The following CDH23 variants were observed in gnomAD, a reference collection of about 807,000 sequenced individuals.
CDH23 encodes cadherin-23.
CDH23 carries 189 observed loss-of-function variants against 317.1 expected under a neutral mutation model. That is an observed-to-expected ratio of 0.60 (90% CI 0.53 to 0.67). CDH23 has a LOEUF of 0.67. CDH23 is among the 30% of genes least tolerant of loss of function. The probability of loss-of-function intolerance (pLI) is 0.00; values close to 1 mark genes in which losing one functional copy is unlikely to be tolerated. For synonymous variants in CDH23, 1,839 were observed against 1,876.8 expected, an observed-to-expected ratio of 0.98 and a Z score of 0.52; for missense variants, 4,401 against 4,592.4, an observed-to-expected ratio of 0.96 and a Z score of 1.20.
chr10:71,651,153 C>A lies in CDH23; in HGVS notation c.1449+4536C>A, dbSNP rs532405100. Among the ~76,000 whole-genome samples, 4 of 152,238 alleles carry A rather than the reference C, an allele frequency of 2.6e-5. No individual in the cohort carries two copies. In the South Asian group the frequency reaches 8.3e-4, roughly 32 times the overall value. ...CGCGAACCTCTAATAGGGTACCTGACCTTGCCTGGGGTCCAGGAAAGCTTC... is the reference window on the plus strand; with the variant it reads ...CGCGAACCTCTAATAGGGTACCTGAACTTGCCTGGGGTCCAGGAAAGCTTC... On this transcript the variant is annotated intron_variant, in intron 14 of 69. Transcript: ENST00000224721.
At chr10:71,407,194 C>T (rs1421589719) in intron 1 of CDH23, among the ~76,000 whole-genome samples, 1 of 152,226 alleles carries the variant, frequency 6.6e-6, no homozygotes, top group African/African-American at 2.4e-5. Context: ...AAACCTTTCA[C>T]TATACAGATG....
intron 1 of CDH23, among the ~76,000 whole-genome samples, chr10:71,425,428 G>GGAAA (rs995932494): frequency 1.3e-5 from 2 of 151,466 alleles, no homozygotes; most frequent in Admixed American, 6.6e-5. Context: ...AGGAAGGGAA[G>GGAAA]GAAAGAAAGA....
intron 38 of CDH23, among the ~76,000 whole-genome samples, chr10:71,761,357 C>A (rs1840378531): frequency 6.6e-6 from 1 of 152,206 alleles, no homozygotes; most frequent in Non-Finnish European, 1.5e-5. Context: ...CAGCCTCACA[C>A]ATTAAAAAGT....
At chr10:71,467,408 G>T (rs535304812) in intron 3 of CDH23, among the ~76,000 whole-genome samples, 1 of 152,322 alleles carries the variant, frequency 6.6e-6, no homozygotes, top group East Asian at 1.9e-4. Context: ...CCTGAGAACT[G>T]GTATTTCTAA....
rs548075047 is a variant in CDH23 at position 71,570,708 on chromosome 10, G to A, written c.625-82G>A. On this transcript the variant is annotated intron_variant, in intron 7 of 69. Transcript: ENST00000224721. The stretch of plus-strand genomic sequence containing the variant: ...TGCACTTATGTGCTGCACGGTGCAG[G>A]TCTGTGTGTGTGTGTACATATGTGT... 8.0e-6 allele frequency: 12 copies of A among 1,494,572 alleles called. No homozygotes were observed. The East Asian group carries it at 2.2e-4, about 28-fold the overall frequency. The allele number at this position is 1,494,572 out of a possible 1,614,324, so 92.6% of individuals were successfully genotyped here.
chr10:71,694,120 T>A, intron 20 of CDH23, 27 bp from the exon 21 acceptor site: 16 of 1,468,186 alleles, frequency 1.1e-5, no homozygotes, highest in Non-Finnish European at 1.4e-5. Context: ...CCAAACCCTC[T>A]CACGCACCCA....
At chr10:71,419,450 C>T (rs575761953) in intron 1 of CDH23, among the ~76,000 whole-genome samples, 2 of 152,276 alleles carry the variant, frequency 1.3e-5, no homozygotes, top group Non-Finnish European at 2.9e-5. Context: ...GGACATTACC[C>T]CATGGAAAGT....
intron 52 of CDH23, 103 bp from the exon 53 acceptor site, chr10:71,800,533 A>G: frequency 7.5e-7 from 1 of 1,326,192 alleles, no homozygotes; most frequent in Non-Finnish European, 1.0e-6. Flanking sequence ...TCTTTTGTTC[A>G]GTGTCAAATC....
At chr10:71,724,712 TCCC>T (rs1866728831) in intron 29 of CDH23, among the ~76,000 whole-genome samples, 1 of 152,138 alleles carries the variant, frequency 6.6e-6, no homozygotes, top group South Asian at 2.1e-4. Context: ...AGCAGCACGC[TCCC>T]CAGGGACTGG....
At chr10:71,583,911 C>T (rs1858839056) in intron 9 of CDH23, among the ~76,000 whole-genome samples, 1 of 152,206 alleles carries the variant, frequency 6.6e-6, no homozygotes, top group African/African-American at 2.4e-5. Context: ...GTTCCAGAAC[C>T]TCCCAGTTTC....
chr10:71,669,048 C>T (rs1196827120), intron 14 of CDH23, among the ~76,000 whole-genome samples: 1 of 152,200 alleles, frequency 6.6e-6, no homozygotes, highest in Non-Finnish European at 1.5e-5. Flanking sequence ...CTCGGCTGCA[C>T]CCTCTCCCCC....
intron 24 of CDH23, among the ~76,000 whole-genome samples, chr10:71,703,166 C>T (rs1037685173): frequency 1.3e-5 from 2 of 152,196 alleles, no homozygotes; most frequent in Non-Finnish European, 2.9e-5. Flanking sequence ...AGCACATGGT[C>T]TGATCTTGGG....
At chr10:71,587,900 A>C (rs1184679357) in intron 9 of CDH23, among the ~76,000 whole-genome samples, 1 of 152,258 alleles carries the variant, frequency 6.6e-6, no homozygotes, top group Non-Finnish European at 1.5e-5. Context: ...AAAAGCAATA[A>C]GAGAGAAAGA....
intron 9 of CDH23, among the ~76,000 whole-genome samples, chr10:71,584,070 C>T (rs1287621394): frequency 2.0e-5 from 3 of 152,198 alleles, no homozygotes; most frequent in Non-Finnish European, 4.4e-5. Flanking sequence ...ACTGATGCTG[C>T]TGGTCTGGGG....
intron 14 of CDH23, among the ~76,000 whole-genome samples, chr10:71,656,381 C>T (rs1589302126): frequency 6.6e-6 from 1 of 152,204 alleles, no homozygotes; most frequent in African/African-American, 2.4e-5. Context: ...GGATCGTCTG[C>T]TCTCCTCCTT....
chr10:71,755,923 C>T (rs1840131193), intron 38 of CDH23, among the ~76,000 whole-genome samples: 2 of 152,128 alleles, frequency 1.3e-5, no homozygotes, highest in African/African-American at 4.8e-5. Context: ...GTAATTAATG[C>T]CACCAAACTG....
chr10:71,724,731 A>G (rs1866730210), intron 29 of CDH23, among the ~76,000 whole-genome samples: 2 of 152,344 alleles, frequency 1.3e-5, no homozygotes, highest in African/African-American at 2.4e-5. Flanking sequence ...ACTGGGTCTC[A>G]TTGGTCCAAT....
chr10:71,413,007 CTGT>C (rs1343319076), intron 1 of CDH23, among the ~76,000 whole-genome samples: 5 of 152,110 alleles, frequency 3.3e-5, no homozygotes, highest in Non-Finnish European at 7.4e-5. Context: ...TACCTTTTTG[CTGT>C]TGTTGTTGCC....
chr10:71,457,932 C>A (rs1472918118), intron 3 of CDH23, among the ~76,000 whole-genome samples: 1 of 152,206 alleles, frequency 6.6e-6, no homozygotes, highest in African/African-American at 2.4e-5. Flanking sequence ...GGCCAGGAAG[C>A]AGGCACCCCC....
Sources: gnomAD v4.1 joint callset for allele counts (sites outside exome capture counted in the v4.1 genomes callset) on GRCh38, gnomAD v4.1.1 for gene constraint, MANE v1.5 for transcripts, NCBI Gene and HGNC (gene_info 2026-07-23, HGNC 2026-07-21) for gene names.